The following DNER variants were observed in gnomAD, a reference collection of about 807,000 sequenced individuals.
DNER encodes the protein delta and Notch-like epidermal growth factor-related receptor.
A neutral mutation model predicts 78.2 loss-of-function variants in DNER; 33 were observed. That is an observed-to-expected ratio of 0.42 (90% CI 0.32 to 0.56). The LOEUF (loss-of-function observed/expected upper bound fraction) is 0.56, where lower values mean the gene tolerates loss of function less well. Ranked by LOEUF, DNER falls within the 20% of genes least tolerant of loss-of-function variation. The probability of loss-of-function intolerance (pLI) is 0.11; values close to 1 mark genes in which losing one functional copy is unlikely to be tolerated. For missense variants in DNER, 918 were observed against 975.3 expected (o/e 0.94, Z 0.78); for synonymous variants, 417 against 384.8 (o/e 1.08, Z -0.98).
chr2:229,387,833 G>T (rs929218394), intron 11 of DNER, among the ~76,000 whole-genome samples: 43 of 151,338 alleles, frequency 2.8e-4, no homozygotes, highest in African/African-American at 1.0e-3. Flanking sequence ...GAAGACACTT[G>T]AACACATAAA....
intron 4 of DNER, among the ~76,000 whole-genome samples, chr2:229,551,340 T>C (rs2154213344): frequency 6.6e-6 from 1 of 152,178 alleles, no homozygotes; most frequent in South Asian, 2.1e-4. Context: ...CCACATTAAG[T>C]AAGTATATAT....
chr2:229,469,958 A>AATG (rs2154211107), intron 7 of DNER, among the ~76,000 whole-genome samples: 1 of 152,238 alleles, frequency 6.6e-6, no homozygotes, highest in South Asian at 2.1e-4. Flanking sequence ...TAATAATAAT[A>AATG]ATAATGTCAA....
intron 1 of DNER, among the ~76,000 whole-genome samples, chr2:229,684,169 A>AGAGTGT (rs1184050138): frequency 6.0e-4 from 57 of 94,640 alleles, no homozygotes; most frequent in African/African-American, 1.0e-3. Flanking sequence ...AGAGAGAGAG[A>AGAGTGT]GTGTGTGTGT....
intron 5 of DNER, among the ~76,000 whole-genome samples, chr2:229,535,539 T>C (rs1696385171): frequency 6.6e-6 from 1 of 152,194 alleles, no homozygotes; most frequent in Admixed American, 6.5e-5. Flanking sequence ...TTCGAAAAAG[T>C]GCTACTATAC....
At chr2:229,394,233 C>G (rs924213863) in intron 10 of DNER, among the ~76,000 whole-genome samples, 1 of 152,102 alleles carries the variant, frequency 6.6e-6, no homozygotes, top group Non-Finnish European at 1.5e-5. Context: ...TCAAAACAAC[C>G]TTGATGTTAT....
At chr2:229,512,561 CA>C (rs1269547533) in intron 6 of DNER, among the ~76,000 whole-genome samples, 1 of 151,950 alleles carries the variant, frequency 6.6e-6, no homozygotes, top group Non-Finnish European at 1.5e-5. Context: ...TTTGGGGACT[CA>C]GGGGGAAGGG....
intron 1 of DNER, among the ~76,000 whole-genome samples, chr2:229,673,716 G>A (rs893925474): frequency 6.6e-6 from 1 of 152,184 alleles, no homozygotes; most frequent in African/African-American, 2.4e-5. Flanking sequence ...AGGCACCAAT[G>A]CCAGCTGTTC....
intron 1 of DNER, among the ~76,000 whole-genome samples, chr2:229,623,059 C>A (rs72991686): frequency 0.021 from 3,245 of 152,272 alleles, 45 homozygotes; most frequent in Middle Eastern, 0.034. Flanking sequence ...CACCCTAGGT[C>A]TTTCCAGCAT....
intron 5 of DNER, among the ~76,000 whole-genome samples, chr2:229,538,137 T>C (rs563111598): frequency 6.6e-6 from 1 of 152,366 alleles, no homozygotes; most frequent in African/African-American, 2.4e-5. Context: ...ATTATTATTG[T>C]ACTTTTATTA....
chr2:229,578,193 TC>T (rs1697334793), intron 4 of DNER, among the ~76,000 whole-genome samples: 1 of 151,778 alleles, frequency 6.6e-6, no homozygotes, highest in South Asian at 2.1e-4. Flanking sequence ...CCTATGGGAG[TC>T]CTTTCTTCTG....
chr2:229,617,212 C>T (rs1698182075), intron 1 of DNER, among the ~76,000 whole-genome samples: 1 of 152,146 alleles, frequency 6.6e-6, no homozygotes, highest in South Asian at 2.1e-4. Flanking sequence ...GATTCCATAA[C>T]AGTAAATGTA....
At chr2:229,584,387 A>G (rs976762786) in intron 4 of DNER, among the ~76,000 whole-genome samples, 1 of 152,190 alleles carries the variant, frequency 6.6e-6, no homozygotes, top group African/African-American at 2.4e-5. Flanking sequence ...GGTAGATTCT[A>G]AACTTGAGCT....
intron 11 of DNER, among the ~76,000 whole-genome samples, chr2:229,384,792 C>T (rs1692825010): frequency 6.6e-6 from 1 of 151,968 alleles, no homozygotes; most frequent in Non-Finnish European, 1.5e-5. Flanking sequence ...CAAAAAAAGC[C>T]CAGGACCAGA....
intron 8 of DNER, among the ~76,000 whole-genome samples, chr2:229,442,659 G>T (rs1167671116): frequency 6.6e-6 from 1 of 152,140 alleles, no homozygotes; most frequent in Non-Finnish European, 1.5e-5. Flanking sequence ...ACCTTTGCAG[G>T]TATATTTATT....
chr2:229,666,060 C>A (rs1699087337), intron 1 of DNER, among the ~76,000 whole-genome samples: 1 of 152,206 alleles, frequency 6.6e-6, no homozygotes, highest in Non-Finnish European at 1.5e-5. Flanking sequence ...TCTGTCCTGT[C>A]TTCTCTTAGC....
intron 7 of DNER, among the ~76,000 whole-genome samples, chr2:229,471,761 C>T (rs1470116683): frequency 6.6e-5 from 10 of 152,212 alleles, no homozygotes; most frequent in Non-Finnish European, 1.2e-4. Flanking sequence ...CTCCAACCTT[C>T]ACACTAACTT....
At chr2:229,398,800 A>T (rs1359028199) in intron 10 of DNER, among the ~76,000 whole-genome samples, 1 of 152,102 alleles carries the variant, frequency 6.6e-6, no homozygotes, top group Non-Finnish European at 1.5e-5. Flanking sequence ...AATATTTGAA[A>T]ATCAACCAAG....
chr2:229,705,455 C>T (rs971641446), intron 1 of DNER, among the ~76,000 whole-genome samples: 9 of 152,184 alleles, frequency 5.9e-5, no homozygotes, highest in Non-Finnish European at 1.2e-4. Context: ...GAAAGAAATA[C>T]CTTAACATTA....
chr2:229,541,717 G>T (rs1242552342), intron 5 of DNER, among the ~76,000 whole-genome samples: 1 of 151,918 alleles, frequency 6.6e-6, no homozygotes, highest in East Asian at 1.9e-4. Context: ...GATTCTGCAT[G>T]CAGACAGCTT....
Sources: gnomAD v4.1 joint callset for allele counts (sites outside exome capture counted in the v4.1 genomes callset) on GRCh38, gnomAD v4.1.1 for gene constraint, MANE v1.5 for transcripts, NCBI Gene and HGNC (gene_info 2026-07-23, HGNC 2026-07-21) for gene names.